The following GABRA5 variants were observed in gnomAD, a reference collection of about 807,000 sequenced individuals.
GABRA5 encodes gamma-aminobutyric acid receptor subunit alpha-5.
Under a neutral mutation model 47.3 loss-of-function variants are expected in GABRA5, and 18 were observed. That is an observed-to-expected ratio of 0.38 (90% CI 0.26 to 0.56). GABRA5 has a LOEUF of 0.56. Ranked by LOEUF, GABRA5 falls within the 20% of genes least tolerant of loss-of-function variation. GABRA5 has a pLI of 0.71. For synonymous variants in GABRA5, 237 were observed against 229.3 expected (o/e 1.03, Z -0.30); for missense variants, 365 against 599.3 (o/e 0.61, Z 4.08).
intron 6 of GABRA5, among the ~76,000 whole-genome samples, chr15:26,897,891 G>A (rs1302099296): frequency 6.6e-6 from 1 of 151,468 alleles, no homozygotes; most frequent in Non-Finnish European, 1.5e-5. Context: ...TTATCACATT[G>A]TTTTCTAAAA....
rs569072408 is a variant in GABRA5 at position 26,937,423 on chromosome 15, G to T, written c.724+95G>T. Reference sequence around the variant, plus strand: ...CCCAGCACCTCTCTGCAGGGGCCACGTGGGAGGCCGCACAGCAGCCTCCCA... The same window carrying T: ...CCCAGCACCTCTCTGCAGGGGCCACTTGGGAGGCCGCACAGCAGCCTCCCA... On this transcript the variant is annotated intron_variant, in intron 8 of 10. Transcript: ENST00000335625. 6.0e-6 allele frequency: 8 copies of T among 1,324,744 alleles called. No homozygotes were observed. In the East Asian group the frequency reaches 2.0e-4, roughly 33 times the overall value. The allele number at this position is 1,324,744 out of a possible 1,614,324, so 82.1% of individuals were successfully genotyped here. A position where few individuals can be genotyped will look rare whatever the true frequency, so the allele number is the denominator to read the frequency against.
intron 10 of GABRA5, among the ~76,000 whole-genome samples, chr15:26,944,716 G>A (rs992162366): frequency 5.9e-5 from 9 of 152,210 alleles, no homozygotes; most frequent in Non-Finnish European, 1.2e-4. Flanking sequence ...GGAGTCTGGG[G>A]AGACGGGGCT....
intron 10 of GABRA5, among the ~76,000 whole-genome samples, chr15:26,945,223 G>T (rs1319226033): frequency 1.3e-5 from 2 of 152,184 alleles, no homozygotes; most frequent in African/African-American, 4.8e-5. Context: ...GGAAGCCATG[G>T]TGCATCTGCA....
intron 8 of GABRA5, among the ~76,000 whole-genome samples, chr15:26,937,864 G>T (rs553874794): frequency 6.6e-6 from 1 of 152,370 alleles, no homozygotes; most frequent in East Asian, 1.9e-4. Flanking sequence ...GGAAACCAAA[G>T]AAACAGGATG....
At position 26,931,057 on chromosome 15, in the gene GABRA5, C is replaced by T. The variant is rs529454447; in HGVS notation, c.581-6128C>T. Reference sequence around the variant, plus strand: ...ATTACAGGCACCTGCCACAATGCCCCGCTAATTTTTGTATTTTTTTTGGTA... The same window carrying T: ...ATTACAGGCACCTGCCACAATGCCCTGCTAATTTTTGTATTTTTTTTGGTA... On this transcript the variant is annotated intron_variant, in intron 7 of 10. Transcript: ENST00000335625. 9.2e-5 allele frequency among the ~76,000 whole-genome samples: 14 copies of T among 151,660 alleles called. No individual in the cohort carries two copies. In the South Asian group the frequency reaches 1.0e-3, roughly 11 times the overall value.
At chr15:26,944,783 A>G (rs1894471679) in intron 10 of GABRA5, among the ~76,000 whole-genome samples, 4 of 152,140 alleles carry the variant, frequency 2.6e-5, no homozygotes, top group Non-Finnish European at 1.5e-5. Context: ...TGCCTGGGAC[A>G]TAGATGGTGC....
intron 6 of GABRA5, among the ~76,000 whole-genome samples, chr15:26,911,651 G>C (rs1010959531): frequency 2.0e-5 from 3 of 152,126 alleles, no homozygotes; most frequent in African/African-American, 7.2e-5. Context: ...TTTGGGATGA[G>C]GTTTCCCTGG....
chr15:26,943,507 G>A, intron 10 of GABRA5, 81 bp downstream of exon 10: 2 of 1,280,508 alleles, frequency 1.6e-6, no homozygotes, highest in Non-Finnish European at 2.2e-6. Flanking sequence ...ATGAGACAAG[G>A]TGCTGCTCCT....
chr15:26,929,034 G>T (rs369365273), intron 7 of GABRA5, among the ~76,000 whole-genome samples: 1 of 146,094 alleles, frequency 6.8e-6, no homozygotes, highest in African/African-American at 2.5e-5. Flanking sequence ...TGAATTTTGG[G>T]GGGGACACAG....
At chr15:26,930,895 CTTTTTT>C (rs555799476) in intron 7 of GABRA5, among the ~76,000 whole-genome samples, 13 of 115,036 alleles carry the variant, frequency 1.1e-4, no homozygotes, top group African/African-American at 4.4e-4. Context: ...TCTTTCTTTT[CTTTTTT>C]TTTTTTTTTT....
intron 7 of GABRA5, among the ~76,000 whole-genome samples, chr15:26,934,786 T>C (rs1894196664): frequency 6.6e-6 from 1 of 152,124 alleles, no homozygotes; most frequent in Admixed American, 6.5e-5. Flanking sequence ...AGACCCATGG[T>C]TTCTGAAATA....
chr15:26,905,206 G>T (rs866662686), intron 6 of GABRA5, among the ~76,000 whole-genome samples: 3 of 151,800 alleles, frequency 2.0e-5, no homozygotes, highest in South Asian at 2.1e-4. Context: ...CTCAGTGGCT[G>T]TTTATCTGGA....
intron 7 of GABRA5, among the ~76,000 whole-genome samples, chr15:26,924,304 A>C (rs989287058): frequency 2.6e-5 from 4 of 151,920 alleles, no homozygotes; most frequent in Admixed American, 6.6e-5. Context: ...TAGTGTGTAC[A>C]GGACTTCCAG....
chr15:26,903,775 C>T (rs575902786), intron 6 of GABRA5, among the ~76,000 whole-genome samples: 12 of 151,914 alleles, frequency 7.9e-5, no homozygotes, highest in African/African-American at 2.2e-4. Context: ...TGTCTGTTCA[C>T]ATGCTTTGCT....
chr15:26,870,984 A>G (rs1294762884), intron 3 of GABRA5, among the ~76,000 whole-genome samples: 2 of 152,218 alleles, frequency 1.3e-5, no homozygotes, highest in East Asian at 3.9e-4. Context: ...GCCTGAGGTC[A>G]GGAGTTCGAG....
At position 26,944,592 on chromosome 15, in the gene GABRA5, CG is replaced by C. The variant is rs567057599; in HGVS notation, c.1089+1171del. Among the ~76,000 whole-genome samples, 550 of 152,254 alleles carry C rather than the reference CG, an allele frequency of 3.6e-3. 2 individuals are homozygous for C. Among genetic ancestry groups the C allele is most frequent in the African/African-American group, 0.013 (526 of 41,540 alleles). ...CTGACTGCACTGGGTGATAGGGACTCGGGGGCTGGGAGCAGGCTGTTCTCAG... is the reference window on the plus strand; with the variant it reads ...CTGACTGCACTGGGTGATAGGGACTCGGGGCTGGGAGCAGGCTGTTCTCAG... On this transcript the variant is annotated intron_variant, in intron 10 of 10. Transcript: ENST00000335625.
At chr15:26,877,061 C>T (rs575471713) in intron 3 of GABRA5, among the ~76,000 whole-genome samples, 2 of 152,294 alleles carry the variant, frequency 1.3e-5, no homozygotes, top group Admixed American at 6.5e-5. Flanking sequence ...TTGAGGAATA[C>T]ACTTCAGTAG....
chr15:26,940,746 AAT>A (rs1894364692), intron 9 of GABRA5, among the ~76,000 whole-genome samples: 1 of 152,196 alleles, frequency 6.6e-6, no homozygotes, highest in Non-Finnish European at 1.5e-5. Context: ...ACCTGGTAAG[AAT>A]CTAGAGCAGC....
intron 6 of GABRA5, among the ~76,000 whole-genome samples, chr15:26,903,802 G>GT (rs374628090): frequency 6.6e-6 from 1 of 151,362 alleles, no homozygotes; most frequent in Non-Finnish European, 1.5e-5. Context: ...TTAACAGGAT[G>GT]TTTTGTTTTT....
Sources: gnomAD v4.1 joint callset for allele counts (sites outside exome capture counted in the v4.1 genomes callset) on GRCh38, gnomAD v4.1.1 for gene constraint, MANE v1.5 for transcripts, NCBI Gene and HGNC (gene_info 2026-07-23, HGNC 2026-07-21) for gene names.